PIN1: variants seen among roughly 807,000 people sequenced by gnomAD.
PIN1 encodes peptidylprolyl cis/trans isomerase, NIMA-interacting 1.
PIN1 carries 8 observed loss-of-function variants against 19.9 expected under a neutral mutation model. The ratio of observed to expected loss-of-function variants is 0.40; its 90% confidence interval spans 0.24 to 0.72. The LOEUF is 0.72. Ranked by LOEUF, PIN1 falls within the 30% of genes least tolerant of loss-of-function variation. The pLI is 0.37. For synonymous variants in PIN1, 86 were observed against 90.8 expected (o/e 0.95, Z 0.30); for missense variants, 185 against 226.5 (o/e 0.82, Z 1.18).
intron 3 of PIN1, among the ~76,000 whole-genome samples, chr19:9,848,851 G>T (rs2046246799): frequency 6.6e-6 from 1 of 152,182 alleles, no homozygotes; most frequent in Non-Finnish European, 1.5e-5. Flanking sequence ...GGCGGCCGTA[G>T]CCCTGCCTGC....
chr19:9,836,657 G>A (rs1007775276), intron 1 of PIN1: 18 of 361,684 alleles, frequency 5.0e-5, no homozygotes, highest in Non-Finnish European at 1.1e-5. Flanking sequence ...CTTGTTCACA[G>A]TCTTCACTCC....
At position 9,846,513 on chromosome 19, in the gene PIN1, C is replaced by T. The variant is rs1003642279; in HGVS notation, c.272-1517C>T. ...CAGATACCAGGACACTGGTGGCTGCCATGACGTGCAGCCAAACAGGGAGCT... is the reference window on the plus strand; with the variant it reads ...CAGATACCAGGACACTGGTGGCTGCTATGACGTGCAGCCAAACAGGGAGCT... On this transcript the variant is annotated intron_variant, in intron 2 of 3. Coordinates refer to ENST00000247970, the MANE Select transcript of PIN1 (RefSeq NM_006221.4). This position sits in a 1 kb window ranked among gnomAD's most constrained non-coding sequence, Gnocchi z 5.9. 6.6e-6 allele frequency among the ~76,000 whole-genome samples: 1 copy of T among 152,136 alleles called. No individual in the cohort carries two copies. Among genetic ancestry groups the T allele is most frequent in the Non-Finnish European group, 1.5e-5 (1 of 68,010 alleles).
chr19:9,836,328 C>G (rs1036146770), intron 1 of PIN1: 2 of 159,806 alleles, frequency 1.3e-5, no homozygotes, highest in African/African-American at 4.8e-5. Context: ...GGTTTGATCT[C>G]CTTATTCTCT....
At chr19:9,845,452 C>T (rs1157200195) in intron 2 of PIN1, among the ~76,000 whole-genome samples, 1 of 151,664 alleles carries the variant, frequency 6.6e-6, no homozygotes, top group African/African-American at 2.4e-5. Context: ...AGTGCAGTGG[C>T]AACGATCTCA....
In PIN1 at chr19:9,846,039, T is replaced by C. The variant is rs1458942978; in HGVS notation, c.272-1991T>C. 6.6e-6 allele frequency among the ~76,000 whole-genome samples: 1 copy of C among 151,940 alleles called. No homozygotes were observed. Among genetic ancestry groups the C allele is most frequent in the Admixed American group, 6.6e-5 (1 of 15,252 alleles). Reference sequence around the variant, plus strand: ...TGCTCTGTGCCTAAGGCCAAGGAGATACCTAGAAGTTCAGGGAGAGGAGGG... The same window carrying C: ...TGCTCTGTGCCTAAGGCCAAGGAGACACCTAGAAGTTCAGGGAGAGGAGGG... On this transcript the variant is annotated intron_variant, in intron 2 of 3. Transcript: ENST00000247970. The surrounding 1 kb of genome is among the most constrained non-coding windows in gnomAD (Gnocchi z 5.9).
In PIN1 at chr19:9,839,994, T is replaced by C. The variant is rs997017933; in HGVS notation, c.271+1346T>C. On this transcript the variant is annotated intron_variant, in intron 2 of 3. Transcript: ENST00000247970. Reference sequence around the variant, plus strand: ...CAGCCTGGGTGACAGAGCAAGACCCTGTCTCAAAAATAAATAAGATAATAT... The same window carrying C: ...CAGCCTGGGTGACAGAGCAAGACCCCGTCTCAAAAATAAATAAGATAATAT... Among the ~76,000 whole-genome samples, 27 of 152,018 alleles carry C rather than the reference T, an allele frequency of 1.8e-4. 1 individual carries two copies. The highest frequency in any genetic ancestry group is 6.3e-4 in the African/African-American group (26 of 41,374).
intron 1 of PIN1, chr19:9,837,755 C>T (rs2046123886): frequency 6.5e-6 from 1 of 153,750 alleles, no homozygotes; most frequent in Non-Finnish European, 1.4e-5. Context: ...GCTTCAGCCT[C>T]CCCAGTAGCT....
At chr19:9,836,586 G>T in intron 1 of PIN1, 1 of 318,234 alleles carries the variant, frequency 3.1e-6, no homozygotes, top group Non-Finnish European at 6.3e-6. Flanking sequence ...GACACTCCAT[G>T]TCACCCAGGC....
At chr19:9,840,497 C>T (rs534606997) in intron 2 of PIN1, among the ~76,000 whole-genome samples, 1 of 152,364 alleles carries the variant, frequency 6.6e-6, no homozygotes, top group South Asian at 2.1e-4. Context: ...TCCAAACAAC[C>T]CATCTCTCAA....
intron 2 of PIN1, among the ~76,000 whole-genome samples, chr19:9,840,085 A>T (rs1364684060): frequency 6.6e-6 from 1 of 152,204 alleles, no homozygotes; most frequent in Admixed American, 6.5e-5. Context: ...TGACAGCGGG[A>T]ATATAAAACA....
At chr19:9,842,319 G>A (rs1030076644) in intron 2 of PIN1, among the ~76,000 whole-genome samples, 1 of 152,174 alleles carries the variant, frequency 6.6e-6, no homozygotes, top group East Asian at 1.9e-4. Context: ...CCCTGGGCTC[G>A]TACAGGGCTG....
chr19:9,835,339 G>A lies in PIN1; in HGVS notation c.-6G>A, dbSNP rs1264510167. ...AGGCGGAGCAGGCGCTGCGGCAGGA[G>A]GGAAGATGGCGGACGAGGAGAAGCT... On this transcript the variant is annotated 5_prime_UTR_variant, in exon 1 of 4. Coordinates refer to ENST00000247970, the MANE Select transcript of PIN1 (RefSeq NM_006221.4). 1.8e-5 allele frequency: 27 copies of A among 1,525,344 alleles called. No homozygotes were observed. The highest frequency in any genetic ancestry group is 2.2e-5 in the Non-Finnish European group (25 of 1,142,624). 94.5% of individuals were successfully genotyped at this position (1,525,344 alleles called of 1,614,324 possible). A position where few individuals can be genotyped will look rare whatever the true frequency, so the allele number is the denominator to read the frequency against.
rs779230821 is a variant in PIN1 at position 9,849,469 on chromosome 19, G to C, written c.*270G>C. On this transcript the variant is annotated 3_prime_UTR_variant, in exon 4 of 4. Transcript: ENST00000247970. Reference sequence around the variant, plus strand: ...GTGGGAGGCTCCCAGACCCAGGGCAGTGTGGTGGGAGGGGTGTTCCAAAGA... The same window carrying C: ...GTGGGAGGCTCCCAGACCCAGGGCACTGTGGTGGGAGGGGTGTTCCAAAGA... 2.8e-6 allele frequency: 2 copies of C among 714,664 alleles called. No individual in the cohort carries two copies. Among genetic ancestry groups the C allele is most frequent in the Admixed American group, 3.5e-5 (2 of 57,358 alleles). The allele number at this position is 714,664 out of a possible 1,614,324, so 44.3% of individuals were successfully genotyped here. A position where few individuals can be genotyped will look rare whatever the true frequency, so the allele number is the denominator to read the frequency against.
At chr19:9,841,417 C>T (rs2046164994) in intron 2 of PIN1, among the ~76,000 whole-genome samples, 1 of 152,120 alleles carries the variant, frequency 6.6e-6, no homozygotes, top group Non-Finnish European at 1.5e-5. Flanking sequence ...GGATTCCTGG[C>T]ACAGGACGGG....
At chr19:9,839,588 C>G (rs562625249) in intron 2 of PIN1, among the ~76,000 whole-genome samples, 3 of 152,332 alleles carry the variant, frequency 2.0e-5, no homozygotes, top group East Asian at 3.9e-4. Flanking sequence ...GCCATGCAGT[C>G]TCTATCAGCT....
At chr19:9,840,544 C>T (rs2046155670) in intron 2 of PIN1, among the ~76,000 whole-genome samples, 1 of 152,214 alleles carries the variant, frequency 6.6e-6, no homozygotes, top group Non-Finnish European at 1.5e-5. Flanking sequence ...TGCAGCTCTG[C>T]CACGTCCTGG....
At position 9,838,719 on chromosome 19, in the gene PIN1, G is replaced by C; in HGVS notation, c.271+71G>C. On this transcript the variant is annotated intron_variant, in intron 2 of 3. Coordinates refer to ENST00000247970, the MANE Select transcript of PIN1 (RefSeq NM_006221.4). This position sits in a 1 kb window ranked among gnomAD's most constrained non-coding sequence, Gnocchi z 5.8. The stretch of plus-strand genomic sequence containing the variant: ...GTGAGCCTTTGTAGAAGTCACATCA[G>C]ACCCTTCACCCCAGCTTGCTCAGCT... 5 of 1,271,578 alleles carry C rather than the reference G, an allele frequency of 3.9e-6. No homozygotes were observed. The highest frequency in any genetic ancestry group is 1.5e-5 in the African/African-American group (1 of 67,944). The allele number at this position is 1,271,578 out of a possible 1,614,324, so 78.8% of individuals were successfully genotyped here.
intron 2 of PIN1, among the ~76,000 whole-genome samples, chr19:9,840,597 A>G (rs1405306147): frequency 3.3e-5 from 5 of 152,140 alleles, no homozygotes; most frequent in South Asian, 2.1e-4. Flanking sequence ...CTGGGCTTCA[A>G]TCTTTTTCTC....
At position 9,835,565 on chromosome 19, in the gene PIN1, C is replaced by G. The variant is rs182569694; in HGVS notation, c.58+163C>G. On this transcript the variant is annotated intron_variant, in intron 1 of 3. Coordinates refer to ENST00000247970, the MANE Select transcript of PIN1 (RefSeq NM_006221.4). ...GCCCCGGCCCGCCCTGTTGTGGGGA[C>G]TGCGAGCCTCAGGAGCCGCCGGGAA... is the stretch of plus-strand genomic sequence containing the variant. The G allele has an allele frequency of 1.1e-3, 619 of 571,498 alleles. 5 individuals carry two copies. The Admixed American group carries it at 0.022, about 21-fold the overall frequency. The allele number at this position is 571,498 out of a possible 1,614,324, so 35.4% of individuals were successfully genotyped here.
Sources: allele counts gnomAD v4.1 joint callset (sites outside exome capture counted in the v4.1 genomes callset), GRCh38; gene constraint gnomAD v4.1.1; non-coding constraint Gnocchi (gnomAD v3.1); transcripts MANE v1.5; gene names NCBI Gene and HGNC (gene_info 2026-07-23, HGNC 2026-07-21).